SGCZ: variants seen among roughly 807,000 people sequenced by gnomAD.
SGCZ encodes the protein sarcoglycan zeta.
A neutral mutation model predicts 41.3 loss-of-function variants in SGCZ; 40 were observed. The observed-to-expected ratio is 0.97, with a 90% confidence interval of 0.75 to 1.26. SGCZ has a LOEUF of 1.26. Ranked by LOEUF, SGCZ falls within the 50% of genes most tolerant of loss-of-function variation. The pLI is 0.00. For synonymous variants in SGCZ, 206 were observed against 137.5 expected, an observed-to-expected ratio of 1.50 and a Z score of -3.49; for missense variants, 552 against 369.8, an observed-to-expected ratio of 1.49 and a Z score of -4.04.
At chr8:14,196,056 G>A (rs773489366) in intron 4 of SGCZ, among the ~76,000 whole-genome samples, 3 of 151,872 alleles carry the variant, frequency 2.0e-5, no homozygotes, top group African/African-American at 4.8e-5. Flanking sequence ...AATGTTTTGT[G>A]GCTACTGTAT....
intron 3 of SGCZ, among the ~76,000 whole-genome samples, chr8:14,306,492 T>C (rs1035274104): frequency 1.8e-4 from 27 of 152,198 alleles, no homozygotes; most frequent in African/African-American, 6.5e-4. Context: ...AGTTTATCTC[T>C]TTGATAAACT....
At chr8:14,944,683 T>C (rs1426149936) in intron 1 of SGCZ, among the ~76,000 whole-genome samples, 2 of 152,200 alleles carry the variant, frequency 1.3e-5, no homozygotes, top group Non-Finnish European at 2.9e-5. Flanking sequence ...GTACATGGGC[T>C]CTTTAACACA....
intron 2 of SGCZ, among the ~76,000 whole-genome samples, chr8:14,449,114 T>C (rs1252170729): frequency 1.3e-5 from 2 of 152,204 alleles, no homozygotes; most frequent in East Asian, 1.9e-4. Flanking sequence ...AGCCCAGGCA[T>C]AGCAAAACAT....
At chr8:14,803,666 T>C (rs932928761) in intron 1 of SGCZ, among the ~76,000 whole-genome samples, 1 of 151,944 alleles carries the variant, frequency 6.6e-6, no homozygotes, top group Non-Finnish European at 1.5e-5. Flanking sequence ...GCGCCCGCCA[T>C]TGCCCAGGCT....
At chr8:15,225,299 A>G (rs934497237) in intron 1 of SGCZ, among the ~76,000 whole-genome samples, 2 of 150,830 alleles carry the variant, frequency 1.3e-5, no homozygotes, top group African/African-American at 4.9e-5. Context: ...TCCAAAGTGT[A>G]TAGGAACACA....
In SGCZ at chr8:14,237,647, A is replaced by G. The variant is rs878893805; in HGVS notation, c.369T>C (p.Asn123=). 1.9e-6 allele frequency: 3 copies of G among 1,613,904 alleles called. No individual in the cohort carries two copies. The highest frequency in any genetic ancestry group is 2.5e-6 in the Non-Finnish European group (3 of 1,179,886). The change falls in exon 4 of 8, where the codon AAT becomes AAC. Residue 123 remains asparagine, a synonymous_variant. Coordinates refer to ENST00000382080, the MANE Select transcript of SGCZ (RefSeq NM_139167.4). ...DSPLVLQSDR[N]VTVNARNHMG... ...TGTGATTTCTTGCATTCACTGTGAC[A>G]TTCCTGTCAGACTGTAAGACCAGCG... is the stretch of plus-strand genomic sequence containing the variant.
At chr8:14,505,600 T>C (rs1487969426) in intron 2 of SGCZ, among the ~76,000 whole-genome samples, 2 of 152,188 alleles carry the variant, frequency 1.3e-5, no homozygotes, top group African/African-American at 4.8e-5. Context: ...CTAGTTTTTA[T>C]GTTAATGTCT....
intron 1 of SGCZ, among the ~76,000 whole-genome samples, chr8:14,557,151 T>C (rs1804057949): frequency 6.6e-6 from 1 of 152,090 alleles, no homozygotes; most frequent in African/African-American, 2.4e-5. Flanking sequence ...TGGTATTGCA[T>C]TGTGGTTTTT....
chr8:14,428,500 AG>A (rs1339421200), intron 2 of SGCZ, among the ~76,000 whole-genome samples: 3 of 152,212 alleles, frequency 2.0e-5, no homozygotes, highest in African/African-American at 7.2e-5. Flanking sequence ...AAAAGAAATT[AG>A]AGTTGTATGT....
intron 2 of SGCZ, among the ~76,000 whole-genome samples, chr8:14,462,310 T>C (rs1800924291): frequency 6.6e-6 from 1 of 152,042 alleles, no homozygotes; most frequent in African/African-American, 2.4e-5. Context: ...TATTTATGCA[T>C]TTACAAAAAT....
In SGCZ at chr8:14,357,807, A is replaced by G. The variant is rs140274053; in HGVS notation, c.235-33603T>C. On this transcript the variant is annotated intron_variant, in intron 2 of 7. Transcript: ENST00000382080. Reference sequence around the variant, plus strand: ...ATGAAGAATATGCCTGAGGTCATGCAGTATAAAGTAGAGAAACTGGTATTT... The same window carrying G: ...ATGAAGAATATGCCTGAGGTCATGCGGTATAAAGTAGAGAAACTGGTATTT... Among the ~76,000 whole-genome samples the G allele has an allele frequency of 1.1e-3, 161 of 152,326 alleles. 1 individual carries two copies. Among genetic ancestry groups the G allele is most frequent in the African/African-American group, 3.6e-3 (151 of 41,572 alleles).
intron 1 of SGCZ, among the ~76,000 whole-genome samples, chr8:14,817,375 C>A (rs975216042): frequency 6.6e-6 from 1 of 152,184 alleles, no homozygotes; most frequent in Non-Finnish European, 1.5e-5. Flanking sequence ...AGCCCCCAGT[C>A]CTCACAGGCC....
At chr8:14,242,442 G>C (rs1452630486) in intron 3 of SGCZ, among the ~76,000 whole-genome samples, 1 of 152,150 alleles carries the variant, frequency 6.6e-6, no homozygotes, top group Non-Finnish European at 1.5e-5. Context: ...TTGAGTTCAA[G>C]CCCAAAGGCT....
chr8:14,481,413 G>T (rs1437403369), intron 2 of SGCZ, among the ~76,000 whole-genome samples: 1 of 152,098 alleles, frequency 6.6e-6, no homozygotes, highest in Non-Finnish European at 1.5e-5. Context: ...TCACTAATAA[G>T]GAATGCATGC....
At chr8:15,171,520 A>G (rs1799829302) in intron 1 of SGCZ, among the ~76,000 whole-genome samples, 1 of 152,170 alleles carries the variant, frequency 6.6e-6, no homozygotes, top group Non-Finnish European at 1.5e-5. Context: ...AAATCACTCA[A>G]AGTCTAAAAG....
At chr8:14,772,829 G>T (rs1585247928) in intron 1 of SGCZ, among the ~76,000 whole-genome samples, 1 of 151,856 alleles carries the variant, frequency 6.6e-6, no homozygotes, top group Admixed American at 6.6e-5. Context: ...GTCTATCATT[G>T]TTGGACATTT....
intron 1 of SGCZ, among the ~76,000 whole-genome samples, chr8:15,098,835 G>A (rs904278714): frequency 6.6e-6 from 1 of 152,200 alleles, no homozygotes; most frequent in Non-Finnish European, 1.5e-5. Flanking sequence ...GATGAGGGCG[G>A]ATCACCTGAG....
chr8:14,116,472 G>T (rs559279425), intron 5 of SGCZ, among the ~76,000 whole-genome samples: 1 of 152,030 alleles, frequency 6.6e-6, no homozygotes, highest in Non-Finnish European at 1.5e-5. Context: ...ATATGTAATT[G>T]TCATTCATTT....
intron 1 of SGCZ, among the ~76,000 whole-genome samples, chr8:14,923,756 T>A (rs1441237500): frequency 2.6e-5 from 4 of 152,236 alleles, no homozygotes; most frequent in Admixed American, 6.5e-5. Flanking sequence ...GTTTATTTTT[T>A]AAATTCATGT....
Sources: gnomAD v4.1 joint callset for allele counts (sites outside exome capture counted in the v4.1 genomes callset) on GRCh38, gnomAD v4.1.1 for gene constraint, MANE v1.5 for transcripts, NCBI Gene and HGNC (gene_info 2026-07-23, HGNC 2026-07-21) for gene names.